ABCC5: variants seen among roughly 807,000 people sequenced by gnomAD.
The protein encoded by ABCC5 is ATP-binding cassette sub-family C member 5.
A neutral mutation model predicts 160.9 loss-of-function variants in ABCC5; 61 were observed. That is an observed-to-expected ratio of 0.38 (90% confidence interval 0.31 to 0.47). The LOEUF is 0.47. ABCC5 is among the 20% of genes least tolerant of loss of function. The pLI is 0.99. For missense variants in ABCC5, 1,308 were observed against 1,813.3 expected, an observed-to-expected ratio of 0.72 and a Z score of 5.06; for synonymous variants, 666 against 700.6, an observed-to-expected ratio of 0.95 and a Z score of 0.78.
rs1449911396 is a variant in ABCC5, at chr3:183,959,760, T to C, written c.2455A>G (p.Lys819Glu). The change falls in exon 17 of 30, where the codon AAG becomes GAG. Residue 819 changes from lysine to glutamate, a missense_variant. By Grantham distance (56) the Lys-to-Glu change is moderately conservative (BLOSUM62 1). Transcript: ENST00000334444. The part of the protein sequence containing the change: ...DKGPKTGSVK[K>E]EKAVKPEEGQ... ...TCCTCTGGCTTTACTGCTTTTTCCT[T>C]CTTTACTGATCCTGTTTTAGGACCC... is the stretch of plus-strand genomic sequence containing the variant. 4 of 1,612,098 alleles carry C rather than the reference T, an allele frequency of 2.5e-6. No homozygotes were observed. The highest frequency in any genetic ancestry group is 1.7e-5 in the Admixed American group (1 of 59,724).
At position 183,962,268 on chromosome 3, in the gene ABCC5, C is replaced by T. The variant is rs147272351; in HGVS notation, c.2236-614G>A. ...ATAATAAAATGTTTAATATCTCATG[C>T]AATTTTTTTCAATACTATGCTGAAA... is the stretch of plus-strand genomic sequence containing the variant. On this transcript the variant is annotated intron_variant, in intron 15 of 29. Transcript: ENST00000334444. Among the ~76,000 whole-genome samples the T allele has an allele frequency of 2.5e-3, 379 of 152,174 alleles. 4 individuals carry two copies. Among genetic ancestry groups the T allele is most frequent in the African/African-American group, 8.4e-3 (347 of 41,516 alleles).
intron 12 of ABCC5, 28 bp downstream of exon 12, chr3:183,967,667 C>T (rs774442898): frequency 1.3e-6 from 2 of 1,588,508 alleles, no homozygotes; most frequent in African/African-American, 2.7e-5. Flanking sequence ...GAGAAAGCAG[C>T]AGAAAAGGAC....
chr3:183,964,856 G>C (rs1409962950), intron 14 of ABCC5, among the ~76,000 whole-genome samples: 1 of 152,182 alleles, frequency 6.6e-6, no homozygotes, highest in Non-Finnish European at 1.5e-5. Flanking sequence ...AAGGAGGTTG[G>C]CAAAATCAAG....
chr3:183,922,310 T>C (rs929434774), intron 29 of ABCC5, among the ~76,000 whole-genome samples: 4 of 152,116 alleles, frequency 2.6e-5, no homozygotes, highest in Non-Finnish European at 4.4e-5. Context: ...AGGCGGAGGT[T>C]GTGGTGAGCA....
intron 25 of ABCC5, among the ~76,000 whole-genome samples, chr3:183,941,633 A>T (rs1371795399): frequency 6.6e-6 from 1 of 152,104 alleles, no homozygotes; most frequent in Admixed American, 6.5e-5. Flanking sequence ...ATACAAGGAT[A>T]AAAAGGACAG....
intron 28 of ABCC5, among the ~76,000 whole-genome samples, chr3:183,926,816 G>A (rs1413702946): frequency 6.6e-6 from 1 of 152,114 alleles, no homozygotes; most frequent in African/African-American, 2.4e-5. Flanking sequence ...GGAGGCCAAA[G>A]CGGGCAGATC....
At position 183,945,916 on chromosome 3, in the gene ABCC5, C is replaced by G. The variant is rs375899840; in HGVS notation, c.3438G>C (p.Thr1146=). Residue 1146 remains threonine (T), a synonymous_variant, in exon 24 of 30, where the codon ACG becomes ACC. Transcript: ENST00000334444. ...AVQLTGLFQF[T]VRLASETEAR... Reference sequence around the variant, plus strand: ...CTTCTGTCTCAGATGCCAGTCTGACCGTAAACTGGAACAGCCCCGTTAACT... The same window carrying G: ...CTTCTGTCTCAGATGCCAGTCTGACGGTAAACTGGAACAGCCCCGTTAACT... 5 of 1,613,934 alleles carry G rather than the reference C, an allele frequency of 3.1e-6. No homozygotes were observed. Among genetic ancestry groups the G allele is most frequent in the Non-Finnish European group, 4.2e-6 (5 of 1,179,956 alleles).
At chr3:183,938,171 T>C (rs954031337) in intron 25 of ABCC5, 111 bp from the exon 26 acceptor site, 3 of 1,036,754 alleles carry the variant, frequency 2.9e-6, no homozygotes, top group Admixed American at 2.4e-5. Flanking sequence ...ATTCAGTTGT[T>C]ATTTCAACTG....
chr3:183,990,695 C>T (rs529711310), intron 2 of ABCC5, among the ~76,000 whole-genome samples: 6 of 152,276 alleles, frequency 3.9e-5, no homozygotes, highest in South Asian at 2.1e-4. Context: ...CCCTGCAGCA[C>T]GCAGCAAAGG....
intron 17 of ABCC5, among the ~76,000 whole-genome samples, chr3:183,959,508 A>T (rs918757304): frequency 6.6e-6 from 1 of 152,168 alleles, no homozygotes; most frequent in Non-Finnish European, 1.5e-5. Context: ...TGCACAGGAG[A>T]AGACATGGGT....
chr3:183,926,248 A>G (rs1231683306), intron 28 of ABCC5, among the ~76,000 whole-genome samples: 1 of 151,122 alleles, frequency 6.6e-6, no homozygotes, highest in East Asian at 2.0e-4. Flanking sequence ...CCAAAACAGC[A>G]TATTTGTAAA....
chr3:183,952,127 C>T (rs989039067), intron 18 of ABCC5, 124 bp from the exon 19 acceptor site: 70 of 681,046 alleles, frequency 1.0e-4, no homozygotes, highest in Non-Finnish European at 1.4e-4. Flanking sequence ...GGGACCTGGT[C>T]ATGGCTTTGT....
At chr3:183,966,625 C>T (rs2108826854) in intron 12 of ABCC5, among the ~76,000 whole-genome samples, 1 of 152,264 alleles carries the variant, frequency 6.6e-6, no homozygotes, top group African/African-American at 2.4e-5. Flanking sequence ...TCTCTCCTCA[C>T]TGGCCCTCCA....
At chr3:183,944,215 C>A (rs751330550) in intron 24 of ABCC5, among the ~76,000 whole-genome samples, 1 of 151,854 alleles carries the variant, frequency 6.6e-6, no homozygotes, top group South Asian at 2.1e-4. Flanking sequence ...GACAACATGG[C>A]GAAACCTATC....
chr3:183,967,621 A>T (rs1717345769), intron 12 of ABCC5, 74 bp downstream of exon 12: 1 of 1,326,244 alleles, frequency 7.5e-7, no homozygotes, highest in Admixed American at 1.7e-5. Flanking sequence ...ACTCTCCAGG[A>T]AATTTGTTCG....
In ABCC5 at chr3:183,940,462, G is replaced by GAAA. The variant is rs537025178; in HGVS notation, c.3694+2262_3694+2264dup. Among the ~76,000 whole-genome samples, 271 of 64,620 alleles carry GAAA rather than the reference G, an allele frequency of 4.2e-3. 24 individuals carry two copies. The highest frequency in any genetic ancestry group is 9.9e-3 in the African/African-American group (171 of 17,188). 42.4% of individuals were successfully genotyped at this position (64,620 alleles called of 152,430 possible). A position where few individuals can be genotyped will look rare whatever the true frequency, so the allele number is the denominator to read the frequency against. On this transcript the variant is annotated intron_variant, in intron 25 of 29. Coordinates refer to ENST00000334444, the MANE Select transcript of ABCC5 (RefSeq NM_005688.4). Reference sequence around the variant, plus strand: ...GCAACAGACTGAGACTCTGTCTCAGGAAAAAAAAAAAAAAAAAAAAAAAAA... The same window carrying GAAA: ...GCAACAGACTGAGACTCTGTCTCAGGAAAAAAAAAAAAAAAAAAAAAAAAAAAA...
At chr3:184,015,927 T>C (rs1448991834) in intron 1 of ABCC5, among the ~76,000 whole-genome samples, 1 of 152,194 alleles carries the variant, frequency 6.6e-6, no homozygotes, top group Non-Finnish European at 1.5e-5. Context: ...TAGCTGATTA[T>C]CTGGAAGAGG....
intron 17 of ABCC5, among the ~76,000 whole-genome samples, chr3:183,953,771 C>G (rs903543688): frequency 3.3e-5 from 5 of 152,144 alleles, no homozygotes; most frequent in African/African-American, 4.8e-5. Flanking sequence ...GAAAACAACA[C>G]AAGCACAGGC....
chr3:183,962,790 G>T (rs1180129295), intron 15 of ABCC5, among the ~76,000 whole-genome samples: 1 of 152,180 alleles, frequency 6.6e-6, no homozygotes, highest in Admixed American at 6.5e-5. Context: ...CCAAAGTGCA[G>T]GGATTACAGG....
Sources: gnomAD v4.1 joint callset for allele counts (sites outside exome capture counted in the v4.1 genomes callset) on GRCh38, gnomAD v4.1.1 for gene constraint, MANE v1.5 for transcripts, NCBI Gene and HGNC (gene_info 2026-07-23, HGNC 2026-07-21) for gene names.